The following UGT1A8 variants were observed in gnomAD, a reference collection of about 807,000 sequenced individuals.
The protein encoded by UGT1A8 is UDP glucuronosyltransferase family 1 member A8.
In UGT1A8, 39 loss-of-function variants were observed where a neutral mutation model predicts 45.3. The ratio of observed to expected loss-of-function variants is 0.86; its 90% CI spans 0.67 to 1.12. The LOEUF is 1.12. Ranked by LOEUF, UGT1A8 falls within the 50% of genes most tolerant of loss-of-function variation. UGT1A8 has a pLI of 0.00. For synonymous variants in UGT1A8, 275 were observed against 249.2 expected (o/e 1.10, Z -0.97); for missense variants, 719 against 664.9 (o/e 1.08, Z -0.90).
rs753125541 is a variant in UGT1A8, at chr2:233,729,452, A to C, written c.856-37582A>C. The C allele has an allele frequency of 1.4e-5, 23 of 1,614,030 alleles. No individual in the cohort carries two copies. The highest frequency in any genetic ancestry group is 1.7e-4 in the Middle Eastern group (1 of 6,060). On this transcript the variant is annotated intron_variant, in intron 1 of 4. Transcript: ENST00000373450. ...TTTGAAACAGAACATTTTCTGAAGA[A>C]ATTTTTCAGAAGTATGGCAATGTTG...
At chr2:233,736,756 T>G (rs535805323) in intron 1 of UGT1A8, among the ~76,000 whole-genome samples, 1 of 152,338 alleles carries the variant, frequency 6.6e-6, no homozygotes, top group Non-Finnish European at 1.5e-5. Context: ...TTGTTAGTTT[T>G]CCTTCTAACA....
chr2:233,698,597 G>A (rs966031058), intron 1 of UGT1A8, among the ~76,000 whole-genome samples: 17 of 152,070 alleles, frequency 1.1e-4, no homozygotes, highest in African/African-American at 3.1e-4. Context: ...CAAGAAATTC[G>A]GATTAATAAA....
chr2:233,770,389 C>T (rs1188448895), intron 4 of UGT1A8: 4 of 152,212 alleles, frequency 2.6e-5, no homozygotes, highest in African/African-American at 4.8e-5. Flanking sequence ...TACGGTGGCT[C>T]ATGCCTGTAG....
At chr2:233,642,139 A>G (rs997960188) in intron 1 of UGT1A8, among the ~76,000 whole-genome samples, 1 of 152,102 alleles carries the variant, frequency 6.6e-6, no homozygotes, top group African/African-American at 2.4e-5. Context: ...GGCAATAACT[A>G]TTAGATTTGC....
chr2:233,627,966 T>A (rs577488812), intron 1 of UGT1A8, among the ~76,000 whole-genome samples: 3 of 152,090 alleles, frequency 2.0e-5, no homozygotes, highest in African/African-American at 7.2e-5. Context: ...ATTGGAGAGA[T>A]GAAATGCTCA....
At chr2:233,655,069 A>G (rs530769519) in intron 1 of UGT1A8, among the ~76,000 whole-genome samples, 26 of 152,310 alleles carry the variant, frequency 1.7e-4, no homozygotes, top group South Asian at 1.0e-3. Flanking sequence ...AGCCTGGGCA[A>G]CAGAGCAAGA....
chr2:233,760,310 G>T (rs768521253), intron 1 of UGT1A8: 3 of 1,613,706 alleles, frequency 1.9e-6, no homozygotes, highest in Non-Finnish European at 2.5e-6. Context: ...TCCCAGGGCG[G>T]ACGCCCACTT....
At chr2:233,688,692 A>T (rs1187476979) in intron 1 of UGT1A8, among the ~76,000 whole-genome samples, 1 of 152,142 alleles carries the variant, frequency 6.6e-6, no homozygotes, top group Non-Finnish European at 1.5e-5. Flanking sequence ...TTAATATTAA[A>T]CGTCCTTCAT....
At chr2:233,764,979 T>C (rs775533661) in intron 1 of UGT1A8, among the ~76,000 whole-genome samples, 2 of 151,670 alleles carry the variant, frequency 1.3e-5, no homozygotes, top group Non-Finnish European at 2.9e-5. Flanking sequence ...GGATGGTCAG[T>C]GTCTGGGGCT....
intron 1 of UGT1A8, chr2:233,681,951 G>T (rs2074546846): frequency 6.2e-7 from 1 of 1,613,734 alleles, no homozygotes; most frequent in Non-Finnish European, 8.5e-7. Context: ...GCTCGTGCAG[G>T]GTGGACTGGC....
chr2:233,719,862 G>A (rs1026145959), intron 1 of UGT1A8, among the ~76,000 whole-genome samples: 4 of 152,186 alleles, frequency 2.6e-5, no homozygotes, highest in African/African-American at 9.7e-5. Flanking sequence ...AGTGGTCACT[G>A]AGAGGAAGAA....
intron 2 of UGT1A8, 141 bp downstream of exon 2, chr2:233,767,306 T>A: frequency 6.6e-7 from 1 of 1,507,862 alleles, no homozygotes; most frequent in Non-Finnish European, 8.8e-7. Flanking sequence ...AATCCAAAGG[T>A]TTTTTTTGTT....
chr2:233,744,646 T>C (rs28899468), intron 1 of UGT1A8, among the ~76,000 whole-genome samples: 5,545 of 151,990 alleles, frequency 0.036, 178 homozygotes, highest in African/African-American at 0.053. Context: ...TCAGCTTCTG[T>C]ATTCAATCTA....
intron 1 of UGT1A8, among the ~76,000 whole-genome samples, chr2:233,641,128 C>A (rs1462296609): frequency 6.6e-6 from 1 of 152,128 alleles, no homozygotes; most frequent in Non-Finnish European, 1.5e-5. Context: ...CCTCAGCAAG[C>A]CTTTGTCTCC....
intron 1 of UGT1A8, among the ~76,000 whole-genome samples, chr2:233,680,316 A>G (rs1255597267): frequency 6.6e-6 from 1 of 152,208 alleles, no homozygotes; most frequent in African/African-American, 2.4e-5. Context: ...AATTTACTAG[A>G]GAGAAGAAAC....
At chr2:233,703,011 C>T (rs1035820538) in intron 1 of UGT1A8, among the ~76,000 whole-genome samples, 5 of 152,184 alleles carry the variant, frequency 3.3e-5, no homozygotes, top group African/African-American at 1.2e-4. Context: ...TGGGAACAGT[C>T]TGTCAAGAAT....
intron 4 of UGT1A8, among the ~76,000 whole-genome samples, chr2:233,771,801 TC>T (rs1700390551): frequency 9.1e-6 from 1 of 110,270 alleles, no homozygotes; most frequent in Non-Finnish European, 1.8e-5. Flanking sequence ...CCTCCCTCCC[TC>T]CCTTCCTCCT....
intron 1 of UGT1A8, among the ~76,000 whole-genome samples, chr2:233,695,529 T>C (rs774353867): frequency 6.6e-6 from 1 of 152,094 alleles, no homozygotes; most frequent in Non-Finnish European, 1.5e-5. Context: ...ATTTCTTTTT[T>C]CTTTTTCTTT....
chr2:233,745,894 T>A (rs1160883177), intron 1 of UGT1A8, among the ~76,000 whole-genome samples: 2 of 150,898 alleles, frequency 1.3e-5, no homozygotes, highest in Non-Finnish European at 1.5e-5. Context: ...TGGGGTGGCG[T>A]TTTTCAGGGA....
Sources: gnomAD v4.1 joint callset for allele counts (sites outside exome capture counted in the v4.1 genomes callset) on GRCh38, gnomAD v4.1.1 for gene constraint, MANE v1.5 for transcripts, NCBI Gene and HGNC (gene_info 2026-07-23, HGNC 2026-07-21) for gene names.